HDAC9: variants seen among roughly 807,000 people sequenced by gnomAD.
HDAC9 encodes MEF-2 interacting transcription repressor (MITR) protein.
HDAC9 carries 41 observed loss-of-function variants against 139.4 expected under a neutral mutation model. That is an observed-to-expected ratio of 0.29 (90% confidence interval 0.23 to 0.38). The LOEUF (loss-of-function observed/expected upper bound fraction) is 0.38, where lower values mean the gene tolerates loss of function less well. Among genes scored for constraint, HDAC9 ranks in the 10% least tolerant of loss-of-function variants. The probability of loss-of-function intolerance (pLI) is 1.00; values close to 1 mark genes in which losing one functional copy is unlikely to be tolerated. For synonymous variants in HDAC9, 517 were observed against 476.2 expected (o/e 1.09, Z -1.12); for missense variants, 1,147 against 1,297.0 (o/e 0.88, Z 1.78).
At chr7:18,631,872 C>T (rs999183653) in intron 7 of HDAC9, among the ~76,000 whole-genome samples, 6 of 152,086 alleles carry the variant, frequency 3.9e-5, no homozygotes, top group South Asian at 2.1e-4. Context: ...CTATCTTCTC[C>T]CAGATCCCAT....
chr7:18,142,162 G>A (rs1004154029), intron 1 of HDAC9, among the ~76,000 whole-genome samples: 2 of 152,128 alleles, frequency 1.3e-5, no homozygotes, highest in Non-Finnish European at 2.9e-5. Context: ...AGGCTACAAA[G>A]AGCCTGTACC....
At chr7:18,162,603 A>G in intron 2 of HDAC9, 1 of 502,510 alleles carries the variant, frequency 2.0e-6, no homozygotes, top group Admixed American at 3.5e-5. Context: ...CTTCCAAGGT[A>G]ACATTCAGAT....
intron 2 of HDAC9, among the ~76,000 whole-genome samples, chr7:18,540,652 ATAAGT>A (rs1381156565): frequency 2.0e-5 from 3 of 152,254 alleles, no homozygotes; most frequent in Admixed American, 6.5e-5. Flanking sequence ...TTATGATGAC[ATAAGT>A]TAAGAGGAGA....
intron 2 of HDAC9, among the ~76,000 whole-genome samples, chr7:18,192,593 G>C (rs922738649): frequency 3.3e-5 from 5 of 152,118 alleles, no homozygotes; most frequent in Non-Finnish European, 5.9e-5. Context: ...TTTTGGAAAT[G>C]TCATTAAGGA....
chr7:18,310,990 TATC>T (rs1444426186), intron 1 of HDAC9, among the ~76,000 whole-genome samples: 2 of 152,140 alleles, frequency 1.3e-5, no homozygotes, highest in African/African-American at 4.8e-5. Context: ...AGATTTTTAA[TATC>T]ATTAATTAAA....
chr7:18,794,007 C>T (rs1337403986), intron 17 of HDAC9, among the ~76,000 whole-genome samples: 1 of 152,176 alleles, frequency 6.6e-6, no homozygotes, highest in Non-Finnish European at 1.5e-5. Flanking sequence ...CTCTTCTTTT[C>T]TACATCGTAT....
intron 12 of HDAC9, among the ~76,000 whole-genome samples, chr7:18,708,484 T>G (rs1323476299): frequency 6.6e-6 from 1 of 152,150 alleles, no homozygotes; most frequent in African/African-American, 2.4e-5. Context: ...GCAGAAATAA[T>G]GAGACTGATC....
At chr7:18,570,982 G>A (rs2128742861) in intron 2 of HDAC9, among the ~76,000 whole-genome samples, 1 of 152,274 alleles carries the variant, frequency 6.6e-6, no homozygotes, top group Admixed American at 6.5e-5. Context: ...GAATGCTTAG[G>A]ACCTCAAAAC....
intron 22 of HDAC9, among the ~76,000 whole-genome samples, chr7:18,915,146 T>G (rs1321638524): frequency 6.6e-6 from 1 of 152,094 alleles, no homozygotes; most frequent in Non-Finnish European, 1.5e-5. Context: ...ATGTGGCATC[T>G]GTCAGGCCAT....
chr7:18,176,696 T>C (rs914466184), intron 2 of HDAC9, among the ~76,000 whole-genome samples: 2 of 152,368 alleles, frequency 1.3e-5, no homozygotes, highest in African/African-American at 2.4e-5. Context: ...AGATTTGTTA[T>C]ACAGGTAAAC....
At chr7:18,300,041 T>G (rs751247101) in intron 1 of HDAC9, among the ~76,000 whole-genome samples, 5 of 152,184 alleles carry the variant, frequency 3.3e-5, no homozygotes, top group Non-Finnish European at 7.3e-5. Flanking sequence ...CACCCTAAAA[T>G]TCAGGTCTTC....
intron 6 of HDAC9, among the ~76,000 whole-genome samples, chr7:18,595,769 A>G (rs542787160): frequency 6.6e-6 from 1 of 152,170 alleles, no homozygotes; most frequent in South Asian, 2.1e-4. Context: ...TTTGAAAAGA[A>G]GTGGCATTTG....
chr7:18,367,979 A>T (rs1784316223), intron 1 of HDAC9, among the ~76,000 whole-genome samples: 1 of 152,058 alleles, frequency 6.6e-6, no homozygotes, highest in South Asian at 2.1e-4. Flanking sequence ...GTTTCGACTT[A>T]TGGGAAATGC....
chr7:18,139,847 G>A (rs1353843779), intron 1 of HDAC9, among the ~76,000 whole-genome samples: 1 of 152,164 alleles, frequency 6.6e-6, no homozygotes, highest in South Asian at 2.1e-4. Context: ...AGACTGGGCA[G>A]CCTCCGGAAG....
intron 22 of HDAC9, among the ~76,000 whole-genome samples, chr7:18,918,575 C>A (rs929719764): frequency 6.6e-5 from 10 of 151,978 alleles, no homozygotes; most frequent in African/African-American, 2.2e-4. Context: ...GTTAAGCCAC[C>A]AAAATAACCA....
chr7:18,225,015 G>A lies in HDAC9; in HGVS notation c.25+62666G>A, dbSNP rs369125742. ...AAATGGACTGATACTTACAGGCATAGTTGGCTTAAAAAAAAACCCTCACTG... is the reference window on the plus strand; with the variant it reads ...AAATGGACTGATACTTACAGGCATAATTGGCTTAAAAAAAAACCCTCACTG... On this transcript the variant is annotated intron_variant, in intron 2 of 12. Coordinates refer to the HDAC9 transcript ENST00000417496. 1.9e-3 allele frequency among the ~76,000 whole-genome samples: 294 copies of A among 152,160 alleles called. 1 individual carries two copies. The highest frequency in any genetic ancestry group is 6.9e-3 in the African/African-American group (285 of 41,534).
At chr7:18,949,152 T>C in intron 23 of HDAC9, 1 of 276,514 alleles carries the variant, frequency 3.6e-6, no homozygotes, top group Admixed American at 4.5e-5. Context: ...TGAGTCTTTT[T>C]CAGTCTGGTT....
At chr7:18,687,642 A>G (rs1164899975) in intron 12 of HDAC9, among the ~76,000 whole-genome samples, 1 of 151,956 alleles carries the variant, frequency 6.6e-6, no homozygotes, top group East Asian at 1.9e-4. Flanking sequence ...TTATTTCAAC[A>G]TATCGAGAAC....
chr7:18,156,351 C>G (rs557387084), intron 1 of HDAC9, among the ~76,000 whole-genome samples: 1 of 152,298 alleles, frequency 6.6e-6, no homozygotes, highest in Non-Finnish European at 1.5e-5. Flanking sequence ...GGTGTCTTCC[C>G]AACCCATGAA....
Sources: allele counts gnomAD v4.1 joint callset (sites outside exome capture counted in the v4.1 genomes callset), GRCh38; gene constraint gnomAD v4.1.1; transcripts MANE v1.5; gene names NCBI Gene and HGNC (gene_info 2026-07-23, HGNC 2026-07-21).